Variants in LRRC1 observed in about 807,000 individuals in gnomAD.
The protein encoded by LRRC1 is leucine-rich repeat-containing protein 1.
LRRC1 carries 28 observed loss-of-function variants against 69.9 expected under a neutral mutation model. The observed-to-expected ratio is 0.40, with a 90% CI of 0.30 to 0.55. The LOEUF is 0.55. LRRC1 is among the 20% of genes least tolerant of loss of function. The pLI, the probability that LRRC1 is intolerant of heterozygous loss-of-function variation, is 0.47. For missense variants in LRRC1, 498 were observed against 609.0 expected, an observed-to-expected ratio of 0.82 and a Z score of 1.92; for synonymous variants, 236 against 240.2, an observed-to-expected ratio of 0.98 and a Z score of 0.16.
chr6:53,840,940 A>T lies in LRRC1; in HGVS notation c.160-1170A>T, dbSNP rs547460067. 1.6e-3 allele frequency among the ~76,000 whole-genome samples: 223 copies of T among 142,188 alleles called. 1 individual carries two copies. Among genetic ancestry groups the T allele is most frequent in the African/African-American group, 5.4e-3 (212 of 39,000 alleles). The allele number at this position is 142,188 out of a possible 152,430, so 93.3% of individuals were successfully genotyped here. A position where few individuals can be genotyped will look rare whatever the true frequency, so the allele number is the denominator to read the frequency against. On this transcript the variant is annotated intron_variant, in intron 1 of 13. Coordinates refer to ENST00000370888, the MANE Select transcript of LRRC1 (RefSeq NM_018214.5). ...TGTGTGTGTGTGTGCGTGCGCGCAC[A>T]TTCTCTTTCTTGCATGTGGCAGTGG...
intron 1 of LRRC1, among the ~76,000 whole-genome samples, chr6:53,802,615 T>A (rs1764517739): frequency 6.6e-6 from 1 of 152,220 alleles, no homozygotes; most frequent in South Asian, 2.1e-4. Context: ...AGGAAGAGTT[T>A]GCTTATTTTT....
intron 2 of LRRC1, among the ~76,000 whole-genome samples, chr6:53,855,921 G>A (rs1307426573): frequency 2.0e-5 from 3 of 152,176 alleles, no homozygotes; most frequent in African/African-American, 7.2e-5. Context: ...AACAATTGGA[G>A]CATGGTAAAG....
At chr6:53,886,895 A>G (rs1236160495) in intron 4 of LRRC1, among the ~76,000 whole-genome samples, 2 of 152,202 alleles carry the variant, frequency 1.3e-5, no homozygotes, top group Admixed American at 6.5e-5. Flanking sequence ...TAACTGGTGT[A>G]TGTACTGGGA....
intron 1 of LRRC1, among the ~76,000 whole-genome samples, chr6:53,825,430 C>T (rs887301361): frequency 6.6e-6 from 1 of 152,198 alleles, no homozygotes; most frequent in African/African-American, 2.4e-5. Context: ...CCATGTCAGC[C>T]CCTCCCTCTC....
At chr6:53,840,545 C>T (rs1765748964) in intron 1 of LRRC1, among the ~76,000 whole-genome samples, 1 of 152,018 alleles carries the variant, frequency 6.6e-6, no homozygotes, top group African/African-American at 2.4e-5. Flanking sequence ...CTGTATTTCT[C>T]TCTTTCAACT....
intron 1 of LRRC1, among the ~76,000 whole-genome samples, chr6:53,799,533 A>G (rs941424975): frequency 2.0e-5 from 3 of 152,224 alleles, no homozygotes; most frequent in African/African-American, 4.8e-5. Context: ...TTCTTTCAGA[A>G]TCCGGTGTCC....
intron 10 of LRRC1, among the ~76,000 whole-genome samples, chr6:53,911,742 G>C (rs977829373): frequency 2.6e-5 from 4 of 152,192 alleles, no homozygotes; most frequent in Admixed American, 6.5e-5. Context: ...TGGGAACCTA[G>C]TCATTCTTTC....
At chr6:53,903,411 C>T (rs187349802) in intron 9 of LRRC1, among the ~76,000 whole-genome samples, 93 of 152,222 alleles carry the variant, frequency 6.1e-4, no homozygotes, top group African/African-American at 2.2e-3. Flanking sequence ...TGTCCTGCTG[C>T]CCCCTCTGCT....
intron 1 of LRRC1, among the ~76,000 whole-genome samples, chr6:53,810,552 G>A (rs923938198): frequency 1.3e-5 from 2 of 152,000 alleles, no homozygotes; most frequent in African/African-American, 4.8e-5. Flanking sequence ...CCCAGGAGGT[G>A]GGGCTTGCAG....
At chr6:53,823,724 T>C (rs1765179249) in intron 1 of LRRC1, among the ~76,000 whole-genome samples, 1 of 152,190 alleles carries the variant, frequency 6.6e-6, no homozygotes, top group Non-Finnish European at 1.5e-5. Flanking sequence ...CTCCCACTTA[T>C]AAGTGAGAAC....
chr6:53,879,348 G>GTGA (rs775298010), intron 3 of LRRC1, among the ~76,000 whole-genome samples: 3 of 152,180 alleles, frequency 2.0e-5, no homozygotes, highest in Admixed American at 6.5e-5. Context: ...CTGAATCAAT[G>GTGA]TGAAGAGTTG....
intron 2 of LRRC1, among the ~76,000 whole-genome samples, chr6:53,846,479 G>A (rs1486926374): frequency 1.3e-5 from 2 of 152,206 alleles, no homozygotes; most frequent in Non-Finnish European, 2.9e-5. Flanking sequence ...GGCCCCTTCC[G>A]ATGCCGCTGG....
At chr6:53,862,511 G>A (rs775504178) in intron 2 of LRRC1, among the ~76,000 whole-genome samples, 3 of 152,256 alleles carry the variant, frequency 2.0e-5, no homozygotes, top group East Asian at 1.9e-4. Flanking sequence ...AGCCAACTCC[G>A]TGTGGGAGGA....
chr6:53,871,128 A>G (rs1471589059), intron 2 of LRRC1, among the ~76,000 whole-genome samples: 1 of 152,186 alleles, frequency 6.6e-6, no homozygotes, highest in Non-Finnish European at 1.5e-5. Context: ...TGATATGCTA[A>G]TTTCATATCC....
intron 1 of LRRC1, among the ~76,000 whole-genome samples, chr6:53,836,227 A>C (rs1472655167): frequency 3.9e-5 from 6 of 152,232 alleles, no homozygotes; most frequent in Non-Finnish European, 8.8e-5. Flanking sequence ...ATGTAGATGC[A>C]TGAGTCCAGA....
At position 53,845,140 on chromosome 6, in the gene LRRC1, G is replaced by A. The variant is rs1287313540; in HGVS notation, c.277+2913G>A. Reference sequence around the variant, plus strand: ...AATCGCTTGAACCCGGGAGGTGGAGGTTGCAGTGAGGCAAGATCACGCCAT... The same window carrying A: ...AATCGCTTGAACCCGGGAGGTGGAGATTGCAGTGAGGCAAGATCACGCCAT... On this transcript the variant is annotated intron_variant, in intron 2 of 13. Coordinates refer to ENST00000370888, the MANE Select transcript of LRRC1 (RefSeq NM_018214.5). Among the ~76,000 whole-genome samples, 3 of 152,170 alleles carry A rather than the reference G, an allele frequency of 2.0e-5. No homozygotes were observed. The South Asian group carries it at 6.2e-4, about 32-fold the overall frequency.
intron 2 of LRRC1, among the ~76,000 whole-genome samples, chr6:53,867,784 G>GT (rs1244753331): frequency 1.3e-5 from 2 of 151,868 alleles, no homozygotes; most frequent in African/African-American, 2.4e-5. Context: ...GTGAGACCCT[G>GT]TCTCTACAAA....
At chr6:53,855,345 T>C (rs1225181228) in intron 2 of LRRC1, among the ~76,000 whole-genome samples, 1 of 152,176 alleles carries the variant, frequency 6.6e-6, no homozygotes, top group Non-Finnish European at 1.5e-5. Context: ...AGTGAATGAA[T>C]GAGTGCTGGG....
intron 2 of LRRC1, among the ~76,000 whole-genome samples, chr6:53,869,167 A>T (rs146178255): frequency 1.3e-5 from 2 of 152,272 alleles, no homozygotes; most frequent in African/African-American, 4.8e-5. Context: ...TTAAGAGGCT[A>T]TTGTCATCAT....
Sources: gnomAD v4.1 joint callset for allele counts (sites outside exome capture counted in the v4.1 genomes callset) on GRCh38, gnomAD v4.1.1 for gene constraint, MANE v1.5 for transcripts, NCBI Gene and HGNC (gene_info 2026-07-23, HGNC 2026-07-21) for gene names.